Variants in SEMA5B observed in about 807,000 individuals in gnomAD.
SEMA5B encodes semaphorin 5B.
A neutral mutation model predicts 135.0 loss-of-function variants in SEMA5B; 66 were observed. That is an observed-to-expected ratio of 0.49 (90% confidence interval 0.40 to 0.60). The LOEUF is 0.60. Among genes scored for constraint, SEMA5B ranks in the 20% least tolerant of loss-of-function variants. The pLI, the probability that SEMA5B is intolerant of heterozygous loss-of-function variation, is 0.00. For missense variants in SEMA5B, 1,501 were observed against 1,566.3 expected, an observed-to-expected ratio of 0.96 and a Z score of 0.70; for synonymous variants, 690 against 639.5, an observed-to-expected ratio of 1.08 and a Z score of -1.19.
intron 1 of SEMA5B, among the ~76,000 whole-genome samples, chr3:122,979,128 CG>C (rs34117217): frequency 1.3e-5 from 2 of 152,054 alleles, no homozygotes; most frequent in Admixed American, 6.6e-5. Flanking sequence ...GGATGGGAGG[CG>C]GGGGAAGAAG....
chr3:122,915,415 C>T (rs1938011404), intron 14 of SEMA5B, 25 bp downstream of exon 14: 4 of 1,582,574 alleles, frequency 2.5e-6, no homozygotes, highest in Non-Finnish European at 3.4e-6. Flanking sequence ...AAGGCAGACA[C>T]CATGTAAACC....
chr3:122,922,051 G>T lies in SEMA5B; in HGVS notation c.1552C>A (p.His518Asn). 1 of 1,496,634 alleles carries T rather than the reference G, an allele frequency of 6.7e-7. No individual in the cohort carries two copies. Among genetic ancestry groups the T allele is most frequent in the East Asian group, 2.4e-5 (1 of 41,204 alleles). The allele number at this position is 1,496,634 out of a possible 1,614,324, so 92.7% of individuals were successfully genotyped here. The change falls in exon 12 of 23, where the codon CAC becomes AAC. Residue 518 changes from histidine (H) to asparagine (N), a missense_variant. Transcript: ENST00000357599. Reference protein sequence around the residue: ...SLHGCYLEELHVLPPGRREPL... With the variant: ...SLHGCYLEELNVLPPGRREPL... ...TCGCGGCGCCCGGGGGGCAGCACGT[G>T]CAGCTCCTCCAGGTAGCAGCCGTGG...
At position 122,926,533 on chromosome 3, in the gene SEMA5B, A is replaced by T. The variant is rs780715840; in HGVS notation, c.995T>A (p.Leu332Gln). The change falls in exon 9 of 23, where the codon CTG becomes CAG. Residue 332 changes from leucine to glutamine, a missense_variant. Transcript: ENST00000357599. ...CKNDVGGRFL[L>Q]EDTWTTFMKA... Reference sequence around the variant, plus strand: ...CATGAATGTGGTCCATGTGTCCTCCAGCAGGAATCGGCCCCCCACGTCATT... The same window carrying T: ...CATGAATGTGGTCCATGTGTCCTCCTGCAGGAATCGGCCCCCCACGTCATT... 5 of 1,614,156 alleles carry T rather than the reference A, an allele frequency of 3.1e-6. No homozygotes were observed. The highest frequency in any genetic ancestry group is 4.2e-6 in the Non-Finnish European group (5 of 1,180,064).
At position 122,909,999 on chromosome 3, in the gene SEMA5B, G is replaced by A. The variant is rs1937611926; in HGVS notation, c.*144C>T. 2 of 834,454 alleles carry A rather than the reference G, an allele frequency of 2.4e-6. No homozygotes were observed. Among genetic ancestry groups the A allele is most frequent in the Admixed American group, 2.9e-5 (1 of 34,758 alleles). The allele number at this position is 834,454 out of a possible 1,614,324, so 51.7% of individuals were successfully genotyped here. A position where few individuals can be genotyped will look rare whatever the true frequency, so the allele number is the denominator to read the frequency against. On this transcript the variant is annotated 3_prime_UTR_variant, in exon 23 of 23. Transcript: ENST00000357599. ...TGGTCAATGCCAGCCAGAGCTCTCTGAAGCCGGATGGGACCCCCCACAGGC... is the reference window on the plus strand; with the variant it reads ...TGGTCAATGCCAGCCAGAGCTCTCTAAAGCCGGATGGGACCCCCCACAGGC...
At chr3:122,919,813 C>A (rs1399142189) in intron 12 of SEMA5B, among the ~76,000 whole-genome samples, 2 of 152,062 alleles carry the variant, frequency 1.3e-5, no homozygotes, top group Non-Finnish European at 2.9e-5. Flanking sequence ...GGCTCCTATC[C>A]CAAAGTCAGG....
chr3:122,923,883 G>T, intron 9 of SEMA5B, 131 bp from the exon 10 acceptor site: 2 of 792,002 alleles, frequency 2.5e-6, no homozygotes, highest in Non-Finnish European at 4.0e-6. Flanking sequence ...TGGCACATGG[G>T]GGGATCTCAA....
chr3:122,922,782 G>A (rs1006431106), intron 10 of SEMA5B, among the ~76,000 whole-genome samples: 1 of 152,196 alleles, frequency 6.6e-6, no homozygotes, highest in Non-Finnish European at 1.5e-5. Flanking sequence ...TGTTGCTGCA[G>A]GCTCCCCTCT....
At chr3:122,996,104 G>C (rs1005771464) in intron 1 of SEMA5B, among the ~76,000 whole-genome samples, 2 of 152,194 alleles carry the variant, frequency 1.3e-5, no homozygotes, top group Non-Finnish European at 2.9e-5. Context: ...ACACTGAGTA[G>C]ACACCAACTT....
At chr3:122,943,056 C>T (rs1034034111) in intron 4 of SEMA5B, among the ~76,000 whole-genome samples, 5 of 152,218 alleles carry the variant, frequency 3.3e-5, no homozygotes, top group African/African-American at 1.2e-4. Flanking sequence ...AGGCCGCCGG[C>T]TGGCCGGCAG....
intron 1 of SEMA5B, among the ~76,000 whole-genome samples, chr3:122,965,636 T>G (rs1940784568): frequency 6.6e-6 from 1 of 152,244 alleles, no homozygotes; most frequent in African/African-American, 2.4e-5. Context: ...GTGAAGTGAT[T>G]AAATGAATCT....
At position 122,923,624 on chromosome 3, in the gene SEMA5B, T is replaced by C. The variant is rs985238296; in HGVS notation, c.1265A>G (p.Asn422Ser). Residue 422 changes from asparagine (N) to serine (S), a missense_variant, in exon 10 of 23, where the codon AAT becomes AGT. Physicochemically the swap from Asn to Ser is conservative, Grantham distance 46. Coordinates refer to ENST00000357599, the MANE Select transcript of SEMA5B (RefSeq NM_001031702.4). ...AWLPIANPIP[N>S]FQCGTLPETG... ...GAGGAGGAGATTCTGTACCTGGAAA[T>C]TGGGGATGGGGTTGGCTATGGGGAG... 1.2e-6 allele frequency: 2 copies of C among 1,613,824 alleles called. No homozygotes were observed. Among genetic ancestry groups the C allele is most frequent in the South Asian group, 1.1e-5 (1 of 91,060 alleles).
At position 122,927,880 on chromosome 3, in the gene SEMA5B, C is replaced by T. The variant is rs889182503; in HGVS notation, c.760G>A (p.Asp254Asn). The T allele has an allele frequency of 3.1e-6, 5 of 1,595,602 alleles. No homozygotes were observed. The highest frequency in any genetic ancestry group is 3.5e-5 in the Admixed American group (2 of 57,950). Residue 254 changes from aspartate (D) to asparagine (N), a missense_variant, in exon 8 of 23, where the codon GAC (aspartate) becomes AAC (asparagine). By Grantham distance (23) the Asp-to-Asn change is conservative. Coordinates refer to ENST00000357599, the MANE Select transcript of SEMA5B (RefSeq NM_001031702.4). ...ATGGCAGGGTCCCGACCTGAGAAGT[C>T]GATGACCGTGGCTGCATAGAGCTCC... is the stretch of plus-strand genomic sequence containing the variant. The part of the protein sequence containing the change: ...QGELYAATVI[D>N]FSGRDPAIYR...
intron 2 of SEMA5B, among the ~76,000 whole-genome samples, chr3:122,956,133 G>A (rs764339940): frequency 6.6e-6 from 1 of 152,252 alleles, no homozygotes; most frequent in African/African-American, 2.4e-5. Flanking sequence ...TGCTCTAGGA[G>A]TGGGGGAGGG....
chr3:123,001,132 A>T (rs1291559201), intron 1 of SEMA5B, among the ~76,000 whole-genome samples: 6 of 152,176 alleles, frequency 3.9e-5, no homozygotes, highest in Non-Finnish European at 8.8e-5. Flanking sequence ...GCTGGAGAAG[A>T]TGGAAAGGCT....
chr3:122,985,056 A>C (rs565818107), intron 1 of SEMA5B, among the ~76,000 whole-genome samples: 2 of 152,254 alleles, frequency 1.3e-5, no homozygotes, highest in Non-Finnish European at 2.9e-5. Context: ...AAGTTAAAAA[A>C]GCTACATCAA....
chr3:122,943,267 A>AGGGGG (rs1939642851), intron 4 of SEMA5B, among the ~76,000 whole-genome samples, 169 bp downstream of exon 4: 1 of 152,118 alleles, frequency 6.6e-6, no homozygotes, highest in Admixed American at 6.5e-5. Context: ...CACCCAGCCG[A>AGGGGG]AACACGCTTC....
Position 122,945,647 on chromosome 3 carries a change from C to T in SEMA5B, c.329-2112G>A, listed in dbSNP as rs918399610. On this transcript the variant is annotated intron_variant, in intron 3 of 22. Coordinates refer to ENST00000357599, the MANE Select transcript of SEMA5B (RefSeq NM_001031702.4). Reference sequence around the variant, plus strand: ...CTAACAGCAGCAAGCACCTTAATTTCCTCCTTCCCTTTCAACAAGGGCATT... The same window carrying T: ...CTAACAGCAGCAAGCACCTTAATTTTCTCCTTCCCTTTCAACAAGGGCATT... Among the ~76,000 whole-genome samples, 26 of 152,138 alleles carry T rather than the reference C, an allele frequency of 1.7e-4. 1 individual carries two copies. The highest frequency in any genetic ancestry group is 5.8e-4 in the African/African-American group (24 of 41,420).
intron 12 of SEMA5B, among the ~76,000 whole-genome samples, chr3:122,918,731 G>T (rs1013710626): frequency 3.3e-5 from 5 of 152,310 alleles, no homozygotes; most frequent in South Asian, 4.1e-4. Flanking sequence ...AGCCTGAGGG[G>T]ACCCCTGAGG....
At chr3:122,984,717 A>T (rs1229188441) in intron 1 of SEMA5B, among the ~76,000 whole-genome samples, 1 of 152,204 alleles carries the variant, frequency 6.6e-6, no homozygotes, top group African/African-American at 2.4e-5. Context: ...GTATCCCCTG[A>T]ATCTGAAGGA....
Sources: allele counts gnomAD v4.1 joint callset (sites outside exome capture counted in the v4.1 genomes callset), GRCh38; gene constraint gnomAD v4.1.1; transcripts MANE v1.5; gene names NCBI Gene and HGNC (gene_info 2026-07-23, HGNC 2026-07-21).